The following ST6GAL1 variants were observed in gnomAD, a reference collection of about 807,000 sequenced individuals.
ST6GAL1 encodes the protein beta-galactoside alpha-2,6-sialyltransferase 1.
ST6GAL1 carries 20 observed loss-of-function variants against 38.0 expected under a neutral mutation model. The ratio of observed to expected loss-of-function variants is 0.53; its 90% confidence interval spans 0.37 to 0.77. The LOEUF is 0.77. ST6GAL1 is among the 30% of genes least tolerant of loss of function. ST6GAL1 has a pLI of 0.00. For synonymous variants in ST6GAL1, 196 were observed against 188.2 expected (o/e 1.04, Z -0.34); for missense variants, 432 against 496.4 (o/e 0.87, Z 1.23).
At chr3:187,071,524 C>T (rs1274596256) in intron 5 of ST6GAL1, among the ~76,000 whole-genome samples, 13 of 151,224 alleles carry the variant, frequency 8.6e-5, no homozygotes, top group Non-Finnish European at 1.3e-4. Context: ...CTGAGGTGGG[C>T]GGATCACGAG....
At chr3:186,993,144 T>G (rs1271632590) in intron 2 of ST6GAL1, among the ~76,000 whole-genome samples, 1 of 152,212 alleles carries the variant, frequency 6.6e-6, no homozygotes, top group Non-Finnish European at 1.5e-5. Context: ...GGGCTGCCTT[T>G]GCAGGTACTC....
At chr3:186,983,204 G>T (rs927817820) in intron 2 of ST6GAL1, among the ~76,000 whole-genome samples, 1 of 152,036 alleles carries the variant, frequency 6.6e-6, no homozygotes, top group South Asian at 2.1e-4. Flanking sequence ...TAGTTACCAC[G>T]GTTTGGGCAC....
At chr3:186,959,177 C>G (rs1242049239) in intron 1 of ST6GAL1, among the ~76,000 whole-genome samples, 2 of 152,170 alleles carry the variant, frequency 1.3e-5, no homozygotes, top group East Asian at 3.9e-4. Flanking sequence ...AGAAGAGCTT[C>G]CCTTTTCTGG....
At chr3:186,958,282 TAATAATGTAACTTAATAATTACTTGACAA>T (rs1714812086) in intron 1 of ST6GAL1, among the ~76,000 whole-genome samples, 1 of 152,196 alleles carries the variant, frequency 6.6e-6, no homozygotes, top group African/African-American at 2.4e-5. Flanking sequence ...TATCTGGTTA[TAATAATGTAACTTAATAATTACTTGACAA>T]AATAATGTAA....
intron 2 of ST6GAL1, chr3:187,038,288 C>T (rs974266130): frequency 6.6e-6 from 1 of 151,496 alleles, no homozygotes; most frequent in Non-Finnish European, 1.5e-5. Flanking sequence ...TCACTGCAAC[C>T]TCCGCCTCCC....
At chr3:187,041,038 A>G (rs1306995932) in intron 3 of ST6GAL1, among the ~76,000 whole-genome samples, 2 of 152,158 alleles carry the variant, frequency 1.3e-5, no homozygotes, top group Non-Finnish European at 2.9e-5. Context: ...CACTACCCGT[A>G]TCACCTCCAC....
intron 2 of ST6GAL1, among the ~76,000 whole-genome samples, chr3:187,027,096 T>C (rs1467106581): frequency 2.6e-5 from 4 of 151,182 alleles, no homozygotes; most frequent in Non-Finnish European, 5.9e-5. Context: ...AATAAACAAA[T>C]AAATAAAAAA....
chr3:187,045,079 G>T (rs955689024), intron 4 of ST6GAL1, among the ~76,000 whole-genome samples: 1 of 152,214 alleles, frequency 6.6e-6, no homozygotes, highest in Non-Finnish European at 1.5e-5. Flanking sequence ...CAGGCAGCGT[G>T]CCAGGCCCAT....
At chr3:186,961,507 G>C (rs550116800) in intron 1 of ST6GAL1, among the ~76,000 whole-genome samples, 1 of 152,318 alleles carries the variant, frequency 6.6e-6, no homozygotes, top group South Asian at 2.1e-4. Flanking sequence ...GGTAGGGGCA[G>C]GGTGGGCAGG....
At chr3:186,972,247 C>T (rs1459874613) in intron 2 of ST6GAL1, among the ~76,000 whole-genome samples, 1 of 150,380 alleles carries the variant, frequency 6.6e-6, no homozygotes, top group Non-Finnish European at 1.5e-5. Context: ...TACTTTCTTA[C>T]TTTCTTTTTT....
At chr3:186,973,558 AAG>A (rs1307868520) in intron 2 of ST6GAL1, among the ~76,000 whole-genome samples, 1 of 152,206 alleles carries the variant, frequency 6.6e-6, no homozygotes, top group African/African-American at 2.4e-5. Context: ...GTGTCTGGGA[AAG>A]AGAGGTTTCT....
intron 4 of ST6GAL1, among the ~76,000 whole-genome samples, chr3:187,050,577 G>A (rs1718480526): frequency 6.8e-6 from 1 of 148,056 alleles, no homozygotes; most frequent in Non-Finnish European, 1.5e-5. Flanking sequence ...AGGGAAGGAA[G>A]GAGGGAGGGA....
chr3:186,947,458 C>T (rs998725054), intron 1 of ST6GAL1, among the ~76,000 whole-genome samples: 2 of 152,002 alleles, frequency 1.3e-5, no homozygotes, highest in Non-Finnish European at 2.9e-5. Flanking sequence ...GCACAGAGAC[C>T]GGAATCAGCC....
chr3:187,048,232 C>T (rs746870025), intron 4 of ST6GAL1, among the ~76,000 whole-genome samples: 3 of 152,152 alleles, frequency 2.0e-5, no homozygotes, highest in South Asian at 2.1e-4. Flanking sequence ...TGTGAGCCAC[C>T]GTGCCCAGCC....
intron 2 of ST6GAL1, among the ~76,000 whole-genome samples, chr3:187,034,711 A>G (rs377554515): frequency 6.6e-6 from 1 of 152,178 alleles, no homozygotes; most frequent in African/African-American, 2.4e-5. Context: ...AAATCCTTTC[A>G]TCAAAAAAGC....
intron 5 of ST6GAL1, among the ~76,000 whole-genome samples, chr3:187,057,495 A>G (rs1174334783): frequency 6.6e-6 from 1 of 151,978 alleles, no homozygotes; most frequent in Non-Finnish European, 1.5e-5. Flanking sequence ...CTTTCTGGTG[A>G]TGTTGATGCT....
intron 2 of ST6GAL1, among the ~76,000 whole-genome samples, chr3:187,003,823 CT>C (rs1254284856): frequency 1.3e-5 from 2 of 152,176 alleles, no homozygotes; most frequent in Non-Finnish European, 2.9e-5. Context: ...CCCTATGCTA[CT>C]TTATTATTGC....
rs1007271550 is a variant in ST6GAL1, at chr3:187,074,100, G to T, written c.805-59G>T. 14 of 1,481,344 alleles carry T rather than the reference G, an allele frequency of 9.5e-6. No individual in the cohort carries two copies. The Admixed American group carries it at 2.2e-4, about 24-fold the overall frequency. 91.8% of individuals were successfully genotyped at this position (1,481,344 alleles called of 1,614,324 possible). A position where few individuals can be genotyped will look rare whatever the true frequency, so the allele number is the denominator to read the frequency against. On this transcript the variant is annotated intron_variant, in intron 6 of 7. Coordinates refer to ENST00000169298, the MANE Select transcript of ST6GAL1 (RefSeq NM_173216.2). ...ATGTCCACTGATGAAGATGACTCCT[G>T]GGGGGAGCAGCTCACTGGCCCATTT...
At chr3:187,021,860 T>C (rs1232021052) in intron 2 of ST6GAL1, 1 of 152,204 alleles carries the variant, frequency 6.6e-6, no homozygotes, top group African/African-American at 2.4e-5. Flanking sequence ...TGGGTGAACT[T>C]TCTGATAGCT....
Sources: gnomAD v4.1 joint callset for allele counts (sites outside exome capture counted in the v4.1 genomes callset) on GRCh38, gnomAD v4.1.1 for gene constraint, MANE v1.5 for transcripts, NCBI Gene and HGNC (gene_info 2026-07-23, HGNC 2026-07-21) for gene names.